The following ZNF420 variants were observed in gnomAD, a reference collection of about 807,000 sequenced individuals.
ZNF420 encodes the protein zinc finger protein 420.
In ZNF420, 31 loss-of-function variants were observed where a neutral mutation model predicts 44.7. That is an observed-to-expected ratio of 0.69 (90% CI 0.52 to 0.94). The LOEUF (loss-of-function observed/expected upper bound fraction) is 0.94. Ranked by LOEUF, ZNF420 falls within the 40% of genes least tolerant of loss-of-function variation. The pLI is 0.00. For missense variants in ZNF420, 681 were observed against 827.9 expected, an observed-to-expected ratio of 0.82 and a Z score of 2.18; for synonymous variants, 245 against 267.4, an observed-to-expected ratio of 0.92 and a Z score of 0.82.
intron 1 of ZNF420, among the ~76,000 whole-genome samples, chr19:37,041,489 T>A (rs1967452198): frequency 6.6e-6 from 1 of 152,146 alleles, no homozygotes; most frequent in Non-Finnish European, 1.5e-5. Context: ...ACTTAAAACT[T>A]CTTACTTCCA....
At chr19:37,086,325 A>T (rs1316736177) in intron 2 of ZNF420, among the ~76,000 whole-genome samples, 1 of 152,066 alleles carries the variant, frequency 6.6e-6, no homozygotes, top group Non-Finnish European at 1.5e-5. Context: ...ACAGTGGAGT[A>T]CTCAGCGCTT....
upstream of ZNF420, among the ~76,000 whole-genome samples, chr19:37,074,731 T>G (rs1019978008): frequency 6.6e-6 from 1 of 152,124 alleles, no homozygotes; most frequent in African/African-American, 2.4e-5. Flanking sequence ...AAATCCTCAA[T>G]GGTGAAATAT....
Position 37,128,817 on chromosome 19 carries a change from A to C in ZNF420, c.1826A>C (p.His609Pro), listed in dbSNP as rs764045083. 1 of 1,613,962 alleles carries C rather than the reference A, an allele frequency of 6.2e-7. No homozygotes were observed. Among genetic ancestry groups the C allele is most frequent in the Non-Finnish European group, 8.5e-7 (1 of 1,179,968 alleles). The change falls in exon 5 of 5, where the codon CAT (histidine) becomes CCT (proline). Residue 609 changes from histidine (H) to proline (P), a missense_variant. Physicochemically the swap from His to Pro is moderately conservative, Grantham distance 77. This residue lies in a region of ZNF420 where 280 missense variants were observed against 338.6 expected (regional missense o/e 0.83). Transcript: ENST00000337995. ...CAGCTTACTCTACATCAGAGAATCCATACTGGTGAGAAGCCCTATGAATGC... is the reference window on the plus strand; with the variant it reads ...CAGCTTACTCTACATCAGAGAATCCCTACTGGTGAGAAGCCCTATGAATGC... ...GSQLTLHQRI[H>P]TGEKPYECRE...
At chr19:37,061,320 G>A (rs1488714736) in intron 1 of ZNF420, among the ~76,000 whole-genome samples, 2 of 152,202 alleles carry the variant, frequency 1.3e-5, no homozygotes, top group African/African-American at 4.8e-5. Flanking sequence ...TAAAATTCAT[G>A]TCTTCTATAG....
intron 4 of ZNF420, chr19:37,107,608 C>T (rs1181217544): frequency 6.6e-6 from 1 of 151,840 alleles, no homozygotes; most frequent in East Asian, 2.0e-4. Context: ...CCCATTTCCC[C>T]CTTTTCTTTT....
rs150519409 is a variant in ZNF420, at chr19:37,081,999, A to T, written c.-81+1611A>T. ...AAACATCTACTTTGCTTGATATTTA[A>T]TGTAGCCATTCCAGCTTTCTTTTCA... On this transcript the variant is annotated intron_variant, in intron 2 of 4. Transcript: ENST00000337995. Among the ~76,000 whole-genome samples, 23 of 152,164 alleles carry T rather than the reference A, an allele frequency of 1.5e-4. No homozygotes were observed. The East Asian group carries it at 4.2e-3, about 28-fold the overall frequency.
intron 1 of ZNF420, among the ~76,000 whole-genome samples, chr19:37,070,095 G>T (rs565692242): frequency 1.5e-3 from 234 of 152,122 alleles, no homozygotes; most frequent in African/African-American, 5.5e-3. Flanking sequence ...ATTGAATAAT[G>T]AATTCCCAAC....
intron 1 of ZNF420, among the ~76,000 whole-genome samples, chr19:37,038,909 C>T (rs1425070092): frequency 1.3e-5 from 2 of 151,994 alleles, no homozygotes; most frequent in African/African-American, 4.8e-5. Context: ...TCGCTTGAAC[C>T]CAGGAGGCGG....
chr19:37,130,120 G>A lies in ZNF420; in HGVS notation c.*1062G>A, dbSNP rs73620836. 267 of 1,549,380 alleles carry A rather than the reference G, an allele frequency of 1.7e-4. No homozygotes were observed. Among genetic ancestry groups the A allele is most frequent in the Non-Finnish European group, 2.0e-4 (231 of 1,146,734 alleles). Reference sequence around the variant, plus strand: ...ATCCATTTTTCCTGTCTTTTTTTCCGTGCCTACAATGTGGACATCTAAGCT... The same window carrying A: ...ATCCATTTTTCCTGTCTTTTTTTCCATGCCTACAATGTGGACATCTAAGCT... On this transcript the variant is annotated 3_prime_UTR_variant, in exon 5 of 5. Coordinates refer to ENST00000337995, the MANE Select transcript of ZNF420 (RefSeq NM_144689.5).
upstream of ZNF420, among the ~76,000 whole-genome samples, chr19:37,076,465 G>A (rs1968156283): frequency 6.6e-6 from 1 of 152,034 alleles, no homozygotes. Flanking sequence ...ATGTTGGTGT[G>A]CTGCACCTGT....
intron 1 of ZNF420, among the ~76,000 whole-genome samples, chr19:37,019,349 A>G (rs2074629739): frequency 6.6e-6 from 1 of 152,256 alleles, no homozygotes; most frequent in Admixed American, 6.5e-5. Context: ...TCCATTAGAA[A>G]GGCTGCCGTT....
chr19:37,127,443 C>T lies in ZNF420; in HGVS notation c.452C>T (p.Ala151Val), dbSNP rs763230916. Reference sequence around the variant, plus strand: ...GAATGTGGGAAAGCCTTCAGACGAGCCTCACACCTAACACAACATCAAAGT... The same window carrying T: ...GAATGTGGGAAAGCCTTCAGACGAGTCTCACACCTAACACAACATCAAAGT... The part of the protein sequence containing the change: ...CKECGKAFRR[A>V]SHLTQHQSIH... Residue 151 changes from alanine (A) to valine (V), a missense_variant, in exon 5 of 5, where the codon GCC (alanine) becomes GTC (valine). This residue lies in a region of ZNF420 where 350 missense variants were observed against 382.5 expected (regional missense o/e 0.92). Transcript: ENST00000337995. 5 of 1,613,746 alleles carry T rather than the reference C, an allele frequency of 3.1e-6. No individual in the cohort carries two copies. The highest frequency in any genetic ancestry group is 4.2e-6 in the Non-Finnish European group (5 of 1,179,880).
intron 1 of ZNF420, among the ~76,000 whole-genome samples, chr19:37,013,579 G>A (rs2074588026): frequency 6.6e-6 from 1 of 152,172 alleles, no homozygotes. Context: ...GGGGACAGAT[G>A]GAATCTCCGG....
chr19:37,081,102 T>TATTCTACCTTC (rs1163357373), intron 2 of ZNF420, among the ~76,000 whole-genome samples: 1 of 152,046 alleles, frequency 6.6e-6, no homozygotes, highest in African/African-American at 2.4e-5. Context: ...TTGTTTCATT[T>TATTCTACCTTC]ATTCTACCTT....
intron 4 of ZNF420, among the ~76,000 whole-genome samples, chr19:37,115,537 C>T (rs1216835726): frequency 6.6e-6 from 1 of 151,900 alleles, no homozygotes; most frequent in African/African-American, 2.4e-5. Flanking sequence ...ACAAACATCT[C>T]GGTGCATTAA....
chr19:37,090,647 C>G (rs1370915887), intron 3 of ZNF420, among the ~76,000 whole-genome samples: 2 of 149,854 alleles, frequency 1.3e-5, no homozygotes, highest in East Asian at 2.0e-4. Flanking sequence ...TTTGGCCGGG[C>G]ACAGTGGCTC....
intron 4 of ZNF420, among the ~76,000 whole-genome samples, chr19:37,106,386 A>G (rs1970086511): frequency 6.6e-6 from 1 of 152,148 alleles, no homozygotes; most frequent in Non-Finnish European, 1.5e-5. Flanking sequence ...TGGGTAGATA[A>G]ACTTTTTGAT....
At chr19:37,022,568 A>T (rs1040420132) in intron 1 of ZNF420, among the ~76,000 whole-genome samples, 5 of 152,188 alleles carry the variant, frequency 3.3e-5, no homozygotes, top group Non-Finnish European at 7.3e-5. Context: ...TCTGAATTTT[A>T]TCTCATCAAA....
intron 4 of ZNF420, among the ~76,000 whole-genome samples, chr19:37,124,295 T>G (rs562855517): frequency 7.9e-5 from 12 of 152,370 alleles, no homozygotes; most frequent in African/African-American, 2.9e-4. Flanking sequence ...GAATCAATAC[T>G]TTGTTTCTGT....
Sources: allele counts gnomAD v4.1 joint callset (sites outside exome capture counted in the v4.1 genomes callset), GRCh38; gene constraint gnomAD v4.1.1; regional missense constraint gnomAD v4.1.1; transcripts MANE v1.5; gene names NCBI Gene and HGNC (gene_info 2026-07-23, HGNC 2026-07-21).